The following NTM variants were observed in gnomAD, a reference collection of about 807,000 sequenced individuals.
NTM encodes IgLON family member 2.
In NTM, 13 loss-of-function variants were observed where a neutral mutation model predicts 42.1. The observed-to-expected ratio is 0.31, with a 90% confidence interval of 0.20 to 0.49. The LOEUF (loss-of-function observed/expected upper bound fraction) is 0.49, where lower values mean the gene tolerates loss of function less well. Among genes scored for constraint, NTM ranks in the 20% least tolerant of loss-of-function variants. The probability of loss-of-function intolerance (pLI) is 0.99; values close to 1 mark genes in which losing one functional copy is unlikely to be tolerated. For missense variants in NTM, 373 were observed against 452.8 expected, an observed-to-expected ratio of 0.82 and a Z score of 1.60; for synonymous variants, 187 against 179.2, an observed-to-expected ratio of 1.04 and a Z score of -0.35.
intron 1 of NTM, among the ~76,000 whole-genome samples, chr11:131,885,873 G>A (rs1208788109): frequency 4.6e-5 from 7 of 152,172 alleles, no homozygotes; most frequent in Non-Finnish European, 8.8e-5. Flanking sequence ...AGACCAGAGA[G>A]GTGTAGTTGA....
intron 1 of NTM, among the ~76,000 whole-genome samples, chr11:131,486,412 A>G (rs1005133633): frequency 1.3e-5 from 2 of 152,166 alleles, no homozygotes; most frequent in Non-Finnish European, 2.9e-5. Context: ...AATCTTCTCC[A>G]TCTCAGGTTA....
At chr11:131,813,102 C>T (rs989377785) in intron 1 of NTM, among the ~76,000 whole-genome samples, 2 of 152,202 alleles carry the variant, frequency 1.3e-5, no homozygotes, top group Non-Finnish European at 2.9e-5. Flanking sequence ...TTGACAATCA[C>T]AAAAGTTATC....
intron 3 of NTM, among the ~76,000 whole-genome samples, chr11:132,173,909 C>T (rs547686056): frequency 6.6e-5 from 10 of 152,296 alleles, no homozygotes; most frequent in African/African-American, 2.4e-4. Flanking sequence ...CTCCAGCCTC[C>T]CACTTTCTTA....
chr11:131,608,143 A>G (rs904985320), intron 1 of NTM, among the ~76,000 whole-genome samples: 2 of 152,066 alleles, frequency 1.3e-5, no homozygotes, highest in Non-Finnish European at 1.5e-5. Context: ...GAGAACATGC[A>G]GTGTGTGGTT....
chr11:131,611,361 A>G (rs1214509893), intron 1 of NTM, among the ~76,000 whole-genome samples: 1 of 152,220 alleles, frequency 6.6e-6, no homozygotes, highest in Non-Finnish European at 1.5e-5. Flanking sequence ...GGATCTGTGC[A>G]GAACTAATTC....
At chr11:132,298,889 T>C (rs1387682848) in intron 4 of NTM, among the ~76,000 whole-genome samples, 2 of 151,978 alleles carry the variant, frequency 1.3e-5, no homozygotes, top group Admixed American at 6.5e-5. Context: ...CATATATGTG[T>C]GTATACACAC....
chr11:131,671,455 T>C lies in NTM; in HGVS notation c.83-240109T>C, dbSNP rs944196474. Reference sequence around the variant, plus strand: ...CTGCTTGCCTGGGCCTTGTCAGCTCTGGGCTTGCAGAGAATGTGGTTGAAT... The same window carrying C: ...CTGCTTGCCTGGGCCTTGTCAGCTCCGGGCTTGCAGAGAATGTGGTTGAAT... On this transcript the variant is annotated intron_variant, in intron 1 of 8. Coordinates refer to ENST00000683400, the MANE Select transcript of NTM (RefSeq NM_001352005.2). 15 of 985,466 alleles carry C rather than the reference T, an allele frequency of 1.5e-5. No homozygotes were observed. The African/African-American group carries it at 2.1e-4, about 14-fold the overall frequency. 61.0% of individuals were successfully genotyped at this position (985,466 alleles called of 1,614,324 possible). A position where few individuals can be genotyped will look rare whatever the true frequency, so the allele number is the denominator to read the frequency against.
At chr11:131,757,599 G>T (rs2083505999) in intron 1 of NTM, among the ~76,000 whole-genome samples, 1 of 152,196 alleles carries the variant, frequency 6.6e-6, no homozygotes, top group African/African-American at 2.4e-5. Context: ...AGTAAACAGA[G>T]GTTTCCATTA....
At chr11:131,640,000 T>A (rs1022821565) in intron 1 of NTM, among the ~76,000 whole-genome samples, 6 of 150,270 alleles carry the variant, frequency 4.0e-5, no homozygotes, top group South Asian at 4.2e-4. Context: ...AATAAATAAA[T>A]AAAAAAAAAG....
At chr11:132,188,854 C>T (rs2078850940) in intron 3 of NTM, among the ~76,000 whole-genome samples, 1 of 152,232 alleles carries the variant, frequency 6.6e-6, no homozygotes, top group South Asian at 2.1e-4. Context: ...GCTGTCTCCA[C>T]TGACCCTGGT....
chr11:131,969,104 T>C (rs1335205444), intron 2 of NTM, among the ~76,000 whole-genome samples: 1 of 152,224 alleles, frequency 6.6e-6, no homozygotes, highest in African/African-American at 2.4e-5. Context: ...ATTTGGATGG[T>C]AGGCTGCTTA....
intron 1 of NTM, among the ~76,000 whole-genome samples, chr11:131,681,160 C>T (rs1473509347): frequency 2.5e-5 from 1 of 40,208 alleles, no homozygotes; most frequent in African/African-American, 7.1e-5. Context: ...TGTGTGTGAG[C>T]ATGTGTGTTT....
At chr11:132,108,291 C>T (rs904270985) in intron 2 of NTM, among the ~76,000 whole-genome samples, 6 of 152,170 alleles carry the variant, frequency 3.9e-5, no homozygotes, top group Non-Finnish European at 7.3e-5. Context: ...TCCTAGCTGA[C>T]CTCTTTGTTA....
chr11:131,608,686 G>T, intron 1 of NTM, among the ~76,000 whole-genome samples: 1 of 151,936 alleles, frequency 6.6e-6, no homozygotes, highest in African/African-American at 2.4e-5. Context: ...CGCTCTTTTT[G>T]TCTTTCTCTC....
chr11:132,143,213 G>T (rs559601520), intron 2 of NTM, among the ~76,000 whole-genome samples: 2 of 152,250 alleles, frequency 1.3e-5, no homozygotes, highest in African/African-American at 2.4e-5. Context: ...GGAAACACAC[G>T]TCTAGGTTAG....
intron 3 of NTM, among the ~76,000 whole-genome samples, chr11:132,180,606 C>A (rs1015592254): frequency 6.6e-6 from 1 of 151,994 alleles, no homozygotes; most frequent in African/African-American, 2.4e-5. Context: ...ACCAACCGAA[C>A]AAAAAAACAA....
chr11:131,511,351 C>T (rs2048218313), intron 1 of NTM, among the ~76,000 whole-genome samples: 1 of 152,204 alleles, frequency 6.6e-6, no homozygotes, highest in Non-Finnish European at 1.5e-5. Flanking sequence ...GCAGCAGTGC[C>T]ATGCCCTAAT....
At chr11:132,169,319 A>ATTTT (rs1491121130) in intron 3 of NTM, among the ~76,000 whole-genome samples, 1 of 10,292 alleles carries the variant, frequency 9.7e-5, no homozygotes, top group African/African-American at 2.9e-4. Flanking sequence ...TAATTTTTTT[A>ATTTT]CTTTTTTTTT....
At chr11:131,974,717 G>C (rs904450298) in intron 2 of NTM, among the ~76,000 whole-genome samples, 1 of 152,110 alleles carries the variant, frequency 6.6e-6, no homozygotes, top group Admixed American at 6.5e-5. Flanking sequence ...CTTTTCACTT[G>C]AAAAATATTT....
Sources: allele counts gnomAD v4.1 joint callset (sites outside exome capture counted in the v4.1 genomes callset), GRCh38; gene constraint gnomAD v4.1.1; transcripts MANE v1.5; gene names NCBI Gene and HGNC (gene_info 2026-07-23, HGNC 2026-07-21).